Variants in SNX29 observed in about 807,000 individuals in gnomAD.
SNX29 encodes the protein sorting nexin-29.
A neutral mutation model predicts 102.1 loss-of-function variants in SNX29; 78 were observed. That is an observed-to-expected ratio of 0.76 (90% confidence interval 0.64 to 0.92). The LOEUF (loss-of-function observed/expected upper bound fraction) is 0.92, where lower values mean the gene tolerates loss of function less well. SNX29 is among the 40% of genes least tolerant of loss of function. SNX29 has a pLI of 0.00. For missense variants in SNX29, 1,280 were observed against 1,061.7 expected (o/e 1.21, Z -2.86); for synonymous variants, 580 against 414.5 (o/e 1.40, Z -4.85).
intron 11 of SNX29, among the ~76,000 whole-genome samples, chr16:12,115,362 G>GA (rs940831435): frequency 5.3e-4 from 80 of 152,202 alleles, no homozygotes; most frequent in African/African-American, 1.7e-3. Context: ...CCAGGCCAGT[G>GA]AAACCCCAGG....
At chr16:12,205,315 C>G (rs2142001646) in intron 14 of SNX29, among the ~76,000 whole-genome samples, 1 of 152,310 alleles carries the variant, frequency 6.6e-6, no homozygotes, top group Non-Finnish European at 1.5e-5. Flanking sequence ...TAACAATCCA[C>G]CAAAGCTGGC....
At chr16:12,253,619 G>A (rs1469000219) in intron 14 of SNX29, among the ~76,000 whole-genome samples, 2 of 152,138 alleles carry the variant, frequency 1.3e-5, no homozygotes, top group Admixed American at 6.5e-5. Context: ...TGCCTGTTGC[G>A]TCCAAGGAAC....
At chr16:12,214,351 G>A (rs1357343017) in intron 14 of SNX29, among the ~76,000 whole-genome samples, 1 of 152,184 alleles carries the variant, frequency 6.6e-6, no homozygotes, top group African/African-American at 2.4e-5. Context: ...GGCTGTCTCA[G>A]CATTGTGTTT....
chr16:12,553,461 C>G (rs369555798), intron 20 of SNX29, among the ~76,000 whole-genome samples: 11 of 152,236 alleles, frequency 7.2e-5, no homozygotes, highest in East Asian at 3.9e-4. Flanking sequence ...TAGACCAGCT[C>G]AGACCAGCCC....
intron 1 of SNX29, among the ~76,000 whole-genome samples, chr16:11,987,511 C>G (rs1241107917): frequency 6.6e-6 from 1 of 151,312 alleles, no homozygotes; most frequent in East Asian, 1.9e-4. Flanking sequence ...ATTCTCCTGC[C>G]TTAGACTCCC....
chr16:12,564,182 G>A (rs1431775325), intron 20 of SNX29, among the ~76,000 whole-genome samples: 2 of 151,748 alleles, frequency 1.3e-5, no homozygotes, highest in African/African-American at 2.4e-5. Flanking sequence ...GAGTTCAGGA[G>A]TTTGAGACCG....
intron 18 of SNX29, among the ~76,000 whole-genome samples, chr16:12,456,939 A>G (rs541612875): frequency 6.6e-6 from 1 of 152,242 alleles, no homozygotes; most frequent in Admixed American, 6.5e-5. Context: ...CAGAGAGAAC[A>G]CTGTGCATCT....
rs143221623 is a variant in SNX29, at chr16:12,044,260, C to G, written c.428+1183C>G. On this transcript the variant is annotated intron_variant, in intron 5 of 20. Coordinates refer to ENST00000566228, the MANE Select transcript of SNX29 (RefSeq NM_032167.5). ...GTGGCATGTTCCCTTGATTTTATGT[C>G]TTGCCCTGTGTTCCCTAGTTCAGGT... 1.1e-4 allele frequency among the ~76,000 whole-genome samples: 17 copies of G among 152,314 alleles called. 1 individual carries two copies. The East Asian group carries it at 3.3e-3, about 29-fold the overall frequency.
chr16:12,495,305 C>T (rs1208570619), intron 19 of SNX29, among the ~76,000 whole-genome samples: 1 of 152,150 alleles, frequency 6.6e-6, no homozygotes, highest in Non-Finnish European at 1.5e-5. Context: ...ACGTGCACCA[C>T]CACGTCCAGC....
At chr16:12,172,457 G>T (rs1166662143) in intron 13 of SNX29, among the ~76,000 whole-genome samples, 1 of 152,070 alleles carries the variant, frequency 6.6e-6, no homozygotes, top group African/African-American at 2.4e-5. Context: ...GCTTGGGTGG[G>T]ATCCCACCTC....
chr16:12,016,056 G>T (rs570666060), intron 3 of SNX29, among the ~76,000 whole-genome samples: 18 of 151,248 alleles, frequency 1.2e-4, no homozygotes, highest in Admixed American at 6.0e-4. Context: ...TTAGAGACGG[G>T]ATTTCACCAT....
chr16:12,566,350 C>CT (rs1436986267), intron 20 of SNX29, among the ~76,000 whole-genome samples: 1 of 152,206 alleles, frequency 6.6e-6, no homozygotes, highest in African/African-American at 2.4e-5. Flanking sequence ...ACCCCACCGA[C>CT]TGCTACCTCT....
At chr16:12,443,018 T>G (rs1331801568) in intron 18 of SNX29, 1 of 455,938 alleles carries the variant, frequency 2.2e-6, no homozygotes, top group Non-Finnish European at 4.4e-6. Flanking sequence ...TGAAAATCAT[T>G]CTTAGTCTGT....
intron 18 of SNX29, among the ~76,000 whole-genome samples, chr16:12,418,320 C>G (rs1398061606): frequency 1.3e-5 from 2 of 152,082 alleles, no homozygotes; most frequent in Non-Finnish European, 2.9e-5. Flanking sequence ...AGTCTGGAGC[C>G]ACAACACACA....
chr16:12,500,786 G>A (rs185185705), intron 19 of SNX29, among the ~76,000 whole-genome samples: 2 of 152,344 alleles, frequency 1.3e-5, no homozygotes, highest in East Asian at 3.9e-4. Flanking sequence ...CAGGTGGGTT[G>A]CATACACAAG....
intron 15 of SNX29, among the ~76,000 whole-genome samples, chr16:12,328,663 A>T (rs916458807): frequency 6.6e-6 from 1 of 152,188 alleles, no homozygotes; most frequent in Admixed American, 6.5e-5. Flanking sequence ...AGAATCGTTC[A>T]TCCTTTCACT....
chr16:12,294,971 C>G (rs904723458), intron 15 of SNX29, among the ~76,000 whole-genome samples: 4 of 151,952 alleles, frequency 2.6e-5, no homozygotes, highest in African/African-American at 9.7e-5. Context: ...AGGTGAAAGA[C>G]ACGTCTTACA....
chr16:11,982,422 A>ATTT (rs2055439386), intron 1 of SNX29, among the ~76,000 whole-genome samples: 1 of 111,732 alleles, frequency 8.9e-6, no homozygotes, highest in African/African-American at 3.1e-5. Context: ...CCTTTCCATC[A>ATTT]GTTTTTTTTT....
rs1203220868 is a variant in SNX29, at chr16:12,527,385, C to A, written c.2318+2544C>A. On this transcript the variant is annotated intron_variant, in intron 20 of 20. Coordinates refer to ENST00000566228, the MANE Select transcript of SNX29 (RefSeq NM_032167.5). ...AAAATAAAAAATAAAAATCTCCTGC[C>A]TAAGGAAATAAACCCCCAAAGCATA... The A allele has an allele frequency of 8.0e-6, 4 of 496,934 alleles. No individual in the cohort carries two copies. In the East Asian group the frequency reaches 1.2e-4, roughly 15 times the overall value. The allele number at this position is 496,934 out of a possible 1,614,324, so 30.8% of individuals were successfully genotyped here. A position where few individuals can be genotyped will look rare whatever the true frequency, so the allele number is the denominator to read the frequency against.
Sources: gnomAD v4.1 joint callset for allele counts (sites outside exome capture counted in the v4.1 genomes callset) on GRCh38, gnomAD v4.1.1 for gene constraint, MANE v1.5 for transcripts, NCBI Gene and HGNC (gene_info 2026-07-23, HGNC 2026-07-21) for gene names.